Variants in SEMA3D observed in about 807,000 individuals in gnomAD.
SEMA3D encodes the protein semaphorin 3D, also known as semaphorin-3D.
A neutral mutation model predicts 100.1 loss-of-function variants in SEMA3D; 84 were observed. The observed-to-expected ratio is 0.84, with a 90% CI of 0.70 to 1.01. The LOEUF is 1.01. Ranked by LOEUF, SEMA3D falls within the 50% of genes least tolerant of loss-of-function variation. The pLI is 0.00. For missense variants in SEMA3D, 875 were observed against 934.1 expected (o/e 0.94, Z 0.82); for synonymous variants, 312 against 320.7 (o/e 0.97, Z 0.29).
the SEMA3D span, among the ~76,000 whole-genome samples, chr7:85,231,521 G>A: frequency 7.0e-6 from 1 of 143,566 alleles, no homozygotes. Flanking sequence ...GGCGATCTCG[G>A]CTCACTGCAA....
chr7:85,068,081 T>C lies in SEMA3D; in HGVS notation c.589+110A>G, dbSNP rs571014823. On this transcript the variant is annotated intron_variant, in intron 7 of 18. Transcript: ENST00000284136. ...TAAAATAATGGAAACAAATCGCTTGTGGAAGATTAGTAAAAAATTACCTTT... is the reference window on the plus strand; with the variant it reads ...TAAAATAATGGAAACAAATCGCTTGCGGAAGATTAGTAAAAAATTACCTTT... 4.6e-5 allele frequency: 31 copies of C among 666,830 alleles called. No homozygotes were observed. In the African/African-American group the frequency reaches 4.9e-4, roughly 11 times the overall value. 41.3% of individuals were successfully genotyped at this position (666,830 alleles called of 1,614,324 possible).
chr7:85,098,228 G>A (rs754913583), intron 3 of SEMA3D, among the ~76,000 whole-genome samples: 2 of 151,608 alleles, frequency 1.3e-5, no homozygotes, highest in Middle Eastern at 6.3e-3. Flanking sequence ...TGTAATTACA[G>A]TTTTCAACGT....
chr7:85,079,815 T>C (rs1262215967), intron 5 of SEMA3D, among the ~76,000 whole-genome samples: 2 of 152,216 alleles, frequency 1.3e-5, no homozygotes, highest in East Asian at 3.8e-4. Context: ...GCCATGCTTA[T>C]ACTGTCCATT....
intron 4 of SEMA3D, among the ~76,000 whole-genome samples, chr7:85,083,173 G>A (rs941481187): frequency 7.9e-5 from 12 of 152,176 alleles, no homozygotes; most frequent in Admixed American, 2.6e-4. Flanking sequence ...GTGTATAGGT[G>A]GGTGGATTTA....
chr7:85,181,142 T>C (rs1257727514), intron 1 of SEMA3D, among the ~76,000 whole-genome samples: 3 of 152,154 alleles, frequency 2.0e-5, no homozygotes, highest in Non-Finnish European at 4.4e-5. Context: ...GCTAAGATCG[T>C]GAGATAGGGA....
rs545347216 is a variant in SEMA3D at position 85,114,980 on chromosome 7, A to G, written c.151+6761T>C. ...TTATCACAATTGACTTTAAAAAAAT[A>G]AGTTTAGCAAAGGGCATAAAATCCT... is the stretch of plus-strand genomic sequence containing the variant. On this transcript the variant is annotated intron_variant, in intron 3 of 18. Coordinates refer to ENST00000284136, the MANE Select transcript of SEMA3D (RefSeq NM_001384900.1). 3.9e-5 allele frequency among the ~76,000 whole-genome samples: 6 copies of G among 152,330 alleles called. No homozygotes were observed. In the South Asian group the frequency reaches 1.2e-3, roughly 32 times the overall value.
intron 5 of SEMA3D, among the ~76,000 whole-genome samples, chr7:85,079,595 T>A (rs1331674403): frequency 6.6e-6 from 1 of 152,132 alleles, no homozygotes; most frequent in African/African-American, 2.4e-5. Flanking sequence ...TAAGTTACTA[T>A]GTAACTGGAA....
intron 12 of SEMA3D, among the ~76,000 whole-genome samples, chr7:85,032,213 G>A (rs1418133012): frequency 3.3e-5 from 5 of 151,808 alleles, no homozygotes; most frequent in South Asian, 2.1e-4. Context: ...TATCTGATAC[G>A]CTGTGAAATA....
chr7:85,163,847 A>T (rs1790814534), intron 1 of SEMA3D, among the ~76,000 whole-genome samples: 1 of 152,146 alleles, frequency 6.6e-6, no homozygotes, highest in African/African-American at 2.4e-5. Context: ...CAGTAAGGAA[A>T]GGTAATTTTT....
the SEMA3D span, among the ~76,000 whole-genome samples, chr7:85,222,370 G>A: frequency 6.6e-6 from 1 of 152,000 alleles, no homozygotes; most frequent in Non-Finnish European, 1.5e-5. Flanking sequence ...CAATGGCAAT[G>A]AATATAAGCA....
In SEMA3D at chr7:85,121,936, A is replaced by G. The variant is rs749597472; in HGVS notation, c.-40-5T>C. 3.5e-6 allele frequency: 5 copies of G among 1,408,568 alleles called. No individual in the cohort carries two copies. The Admixed American group carries it at 7.2e-5, about 20-fold the overall frequency. 87.3% of individuals were successfully genotyped at this position (1,408,568 alleles called of 1,614,324 possible). On this transcript the variant is annotated splice_polypyrimidine_tract_variant and splice_region_variant and intron_variant, in intron 2 of 18. Coordinates refer to ENST00000284136, the MANE Select transcript of SEMA3D (RefSeq NM_001384900.1). ...TTCAAATGGTGTTAATTTAATCTAA[A>G]AAAGAGTAAAAAAAAAAAAACTATT...
chr7:85,162,366 T>G (rs1251535448), intron 1 of SEMA3D, among the ~76,000 whole-genome samples: 3 of 152,108 alleles, frequency 2.0e-5, no homozygotes, highest in African/African-American at 7.2e-5. Flanking sequence ...ATCATAAGTT[T>G]GTTGGGAATC....
chr7:85,188,265 T>C (rs2732753), upstream of SEMA3D, among the ~76,000 whole-genome samples: 145,782 of 152,294 alleles, frequency 0.96, 69,853 homozygotes, highest in East Asian at 1. Context: ...CTCAGGTTTC[T>C]CAAATCTGAC....
the SEMA3D span, among the ~76,000 whole-genome samples, chr7:85,231,608 A>G: frequency 2.6e-4 from 39 of 151,576 alleles, no homozygotes; most frequent in Non-Finnish European, 3.2e-4. Flanking sequence ...CTGCCACCAC[A>G]CCCGGCTAAT....
At chr7:85,180,364 C>T (rs1791367392) in intron 1 of SEMA3D, among the ~76,000 whole-genome samples, 1 of 152,172 alleles carries the variant, frequency 6.6e-6, no homozygotes, top group Non-Finnish European at 1.5e-5. Context: ...CCTCCCCAGC[C>T]ATGTGGAACT....
intron 1 of SEMA3D, among the ~76,000 whole-genome samples, chr7:85,176,725 G>A (rs1791238899): frequency 1.3e-5 from 2 of 151,802 alleles, no homozygotes; most frequent in African/African-American, 4.8e-5. Context: ...ATAAGGAAGA[G>A]AAGGAATAAT....
chr7:85,011,660 A>G (rs1445650629), intron 17 of SEMA3D, among the ~76,000 whole-genome samples: 1 of 151,802 alleles, frequency 6.6e-6, no homozygotes, highest in African/African-American at 2.4e-5. Context: ...ATTCATATGT[A>G]GATAATTGCA....
chr7:85,029,907 A>C (rs372488724), intron 12 of SEMA3D, among the ~76,000 whole-genome samples: 42 of 152,188 alleles, frequency 2.8e-4, no homozygotes, highest in East Asian at 1.9e-3. Flanking sequence ...GCAATGTCTT[A>C]AATAAAACTG....
intron 9 of SEMA3D, among the ~76,000 whole-genome samples, chr7:85,052,789 A>G (rs1291509999): frequency 1.3e-5 from 2 of 151,988 alleles, no homozygotes; most frequent in African/African-American, 4.8e-5. Context: ...TTGCGCAGAA[A>G]TTATTTCATA....
Sources: gnomAD v4.1 joint callset for allele counts (sites outside exome capture counted in the v4.1 genomes callset) on GRCh38, gnomAD v4.1.1 for gene constraint, MANE v1.5 for transcripts, NCBI Gene and HGNC (gene_info 2026-07-23, HGNC 2026-07-21) for gene names.